Variants in SOX30 observed in about 807,000 individuals in gnomAD.
SOX30 encodes the protein transcription factor SOX-30.
SOX30 carries 17 observed loss-of-function variants against 58.6 expected under a neutral mutation model. The ratio of observed to expected loss-of-function variants is 0.29; its 90% CI spans 0.20 to 0.44. The LOEUF is 0.44. SOX30 is among the 20% of genes least tolerant of loss of function. The probability of loss-of-function intolerance (pLI) is 1.00; values close to 1 mark genes in which losing one functional copy is unlikely to be tolerated. For synonymous variants in SOX30, 421 were observed against 400.2 expected (o/e 1.05, Z -0.62); for missense variants, 951 against 965.8 (o/e 0.98, Z 0.20).
chr5:157,637,547 G>A (rs1758959699), intron 4 of SOX30, among the ~76,000 whole-genome samples: 4 of 152,016 alleles, frequency 2.6e-5, no homozygotes, highest in South Asian at 2.1e-4. Context: ...ATCAGAATCT[G>A]CATTTTTAAC....
chr5:157,646,716 A>G lies in SOX30; in HGVS notation c.1308T>C (p.Pro436=). 6.2e-7 allele frequency: 1 copy of G among 1,613,266 alleles called. No individual in the cohort carries two copies. Among genetic ancestry groups the G allele is most frequent in the Non-Finnish European group, 8.5e-7 (1 of 1,179,180 alleles). The change falls in exon 3 of 5, where the codon CCT becomes CCC. Residue 436 remains proline (P), a synonymous_variant. Transcript: ENST00000265007. The part of the protein sequence containing the change: ...GTTQNIISTN[P]TTVYPYRSPT... ...GTGAGCGGTAAGGATAAACTGTTGT[A>G]GGATTTGTAGAGATGATATTCTGTG...
At chr5:157,645,266 C>T (rs148740201) in intron 3 of SOX30, among the ~76,000 whole-genome samples, 3 of 152,080 alleles carry the variant, frequency 2.0e-5, no homozygotes, top group Admixed American at 2.0e-4. Context: ...AGTCAGTTTC[C>T]AAGGTATCTA....
intron 4 of SOX30, among the ~76,000 whole-genome samples, chr5:157,634,051 TGGTTAAGATCTGAA>T (rs1758869428): frequency 6.6e-6 from 1 of 152,140 alleles, no homozygotes; most frequent in Non-Finnish European, 1.5e-5. Flanking sequence ...AATATGATGA[TGGTTAAGATCTGAA>T]GGCAGGAATA....
chr5:157,665,889 G>A (rs1268109959), intron 2 of SOX30, among the ~76,000 whole-genome samples: 1 of 147,820 alleles, frequency 6.8e-6, no homozygotes, highest in Non-Finnish European at 1.5e-5. Context: ...TGACCATCTT[G>A]CAGGATATTC....
At chr5:157,647,030 T>C (rs1759208862) in intron 2 of SOX30, among the ~76,000 whole-genome samples, 1 of 152,010 alleles carries the variant, frequency 6.6e-6, no homozygotes, top group Non-Finnish European at 1.5e-5. Context: ...TGGCCAATGT[T>C]ATAACTCATC....
chr5:157,651,815 G>T lies in SOX30; in HGVS notation c.264C>A (p.Asn88Lys). Residue 88 changes from asparagine (N) to lysine (K), a missense_variant, in exon 1 of 5, where the codon AAC (asparagine) becomes AAA (lysine). This residue lies in a region of SOX30 where 363 missense variants were observed against 294.5 expected (regional missense o/e 1.23). Transcript: ENST00000265007. ...VLLLPQPQAQ[N>K]EEAAASSAQA... ...GCGCGGACGAGGCAGCGGCTTCCTCGTTCTGGGCCTGAGGCTGTGGTAGCA... is the reference window on the plus strand; with the variant it reads ...GCGCGGACGAGGCAGCGGCTTCCTCTTTCTGGGCCTGAGGCTGTGGTAGCA... The T allele has an allele frequency of 6.3e-7, 1 of 1,585,452 alleles. No individual in the cohort carries two copies. Among genetic ancestry groups the T allele is most frequent in the South Asian group, 1.1e-5 (1 of 88,272 alleles).
At chr5:157,670,158 T>C (rs142466611) in intron 1 of SOX30, among the ~76,000 whole-genome samples, 184 of 152,316 alleles carry the variant, frequency 1.2e-3, no homozygotes, top group Middle Eastern at 6.8e-3. Context: ...TCACAGCAAC[T>C]AAAAGTCTGC....
chr5:157,655,997 G>A (rs1229659589), upstream of SOX30, among the ~76,000 whole-genome samples: 4 of 151,654 alleles, frequency 2.6e-5, no homozygotes, highest in South Asian at 2.1e-4. Context: ...CTGCAGGTCC[G>A]TGAAAAAAAC....
intron 4 of SOX30, among the ~76,000 whole-genome samples, chr5:157,637,824 G>T: frequency 6.6e-6 from 1 of 152,076 alleles, no homozygotes; most frequent in Non-Finnish European, 1.5e-5. Flanking sequence ...CTCCTGAGTA[G>T]CTGGGATCAC....
intron 2 of SOX30, among the ~76,000 whole-genome samples, chr5:157,664,010 A>G (rs2113859224): frequency 6.6e-6 from 1 of 151,482 alleles, no homozygotes; most frequent in East Asian, 1.9e-4. Flanking sequence ...TATCATGAAA[A>G]TGGCCATACT....
Position 157,638,438 on chromosome 5 carries a change from C to G in SOX30, c.1672G>C (p.Ala558Pro). The G allele has an allele frequency of 6.2e-7, 1 of 1,614,088 alleles. No individual in the cohort carries two copies. Among genetic ancestry groups the G allele is most frequent in the South Asian group, 1.1e-5 (1 of 91,072 alleles). Residue 558 changes from alanine (A) to proline (P), a missense_variant, in exon 4 of 5, where the codon GCA (alanine) becomes CCA (proline). Ala to Pro is a conservative substitution (Grantham distance 27). Transcript: ENST00000265007. ...SSASTAHARF[A>P]TSTIQPPREY... ...CTAGGAGGTTGGATGGTCGAAGTTGCAAATCTGGCATGGGCAGTACTTGCA... is the reference window on the plus strand; with the variant it reads ...CTAGGAGGTTGGATGGTCGAAGTTGGAAATCTGGCATGGGCAGTACTTGCA...
upstream of SOX30, chr5:157,652,496 T>TG (rs1759386007): frequency 6.7e-6 from 4 of 594,998 alleles, no homozygotes; most frequent in Admixed American, 1.9e-4. Flanking sequence ...AATGAAGTCT[T>TG]GCGTCACAAG....
chr5:157,638,166 G>C lies in SOX30; in HGVS notation c.1880+64C>G, dbSNP rs1280593286. The C allele has an allele frequency of 3.5e-6, 5 of 1,431,864 alleles. No individual in the cohort carries two copies. In the African/African-American group the frequency reaches 5.7e-5, roughly 16 times the overall value. 88.7% of individuals were successfully genotyped at this position (1,431,864 alleles called of 1,614,324 possible). On this transcript the variant is annotated intron_variant, in intron 4 of 4. Coordinates refer to ENST00000265007, the MANE Select transcript of SOX30 (RefSeq NM_178424.2). ...TTTAAAAACAAATAAACAAAAAAAT[G>C]TTGTCACAGGTAAAAACTCATTAGC...
chr5:157,652,959 T>C (rs1308440299), upstream of SOX30, among the ~76,000 whole-genome samples: 1 of 152,178 alleles, frequency 6.6e-6, no homozygotes, highest in Non-Finnish European at 1.5e-5. Flanking sequence ...GTAATGAAAG[T>C]CTAAAATTCT....
intron 2 of SOX30, among the ~76,000 whole-genome samples, chr5:157,648,186 T>A (rs1581399346): frequency 6.6e-6 from 1 of 152,224 alleles, no homozygotes; most frequent in African/African-American, 2.4e-5. Flanking sequence ...CACTATATCA[T>A]GACAGGGCTA....
chr5:157,668,059 G>C (rs1161131943), intron 1 of SOX30, among the ~76,000 whole-genome samples: 3 of 152,188 alleles, frequency 2.0e-5, no homozygotes, highest in African/African-American at 7.2e-5. Context: ...CTCTTCCCAT[G>C]CCAGGCTGCC....
At chr5:157,653,255 G>A (rs1759406442), upstream of SOX30, among the ~76,000 whole-genome samples, 1 of 152,170 alleles carries the variant, frequency 6.6e-6, no homozygotes, top group Admixed American at 6.5e-5. Flanking sequence ...CTGAAAATCA[G>A]ATAAAATCTT....
rs75818287 is a variant in SOX30 at position 157,638,431 on chromosome 5, G to A, written c.1679C>T (p.Ser560Leu). Residue 560 changes from serine (S) to leucine (L), a missense_variant, in exon 4 of 5, where the codon TCG becomes TTG. Ser to Leu is a moderately radical substitution (Grantham distance 145). Transcript: ENST00000265007. The stretch of plus-strand genomic sequence containing the variant: ...ATACTCCCTAGGAGGTTGGATGGTC[G>A]AAGTTGCAAATCTGGCATGGGCAGT... The part of the protein sequence containing the change: ...ASTAHARFAT[S>L]TIQPPREYSS... 1,962 of 1,614,102 alleles carry A rather than the reference G, an allele frequency of 1.2e-3. 24 individuals are homozygous for A. The African/African-American group carries it at 0.023, about 19-fold the overall frequency.
At chr5:157,665,788 A>G (rs955714338) in intron 2 of SOX30, among the ~76,000 whole-genome samples, 2 of 151,162 alleles carry the variant, frequency 1.3e-5, no homozygotes, top group Non-Finnish European at 2.9e-5. Flanking sequence ...ACCCCCATTT[A>G]ATAGTTCAGG....
Sources: allele counts gnomAD v4.1 joint callset (sites outside exome capture counted in the v4.1 genomes callset), GRCh38; gene constraint gnomAD v4.1.1; regional missense constraint gnomAD v4.1.1; transcripts MANE v1.5; gene names NCBI Gene and HGNC (gene_info 2026-07-23, HGNC 2026-07-21).